The following GALNT17 variants were observed in gnomAD, a reference collection of about 807,000 sequenced individuals.
The protein encoded by GALNT17 is UDP-GalNAc:polypeptide N-acetylgalactosaminyltransferase-like 3.
GALNT17 carries 29 observed loss-of-function variants against 63.7 expected under a neutral mutation model. The ratio of observed to expected loss-of-function variants is 0.46; its 90% CI spans 0.34 to 0.62. The LOEUF is 0.62. GALNT17 is among the 20% of genes least tolerant of loss of function. The pLI, the probability that GALNT17 is intolerant of heterozygous loss-of-function variation, is 0.01. For synonymous variants in GALNT17, 305 were observed against 318.3 expected (o/e 0.96, Z 0.45); for missense variants, 603 against 799.6 (o/e 0.75, Z 2.97).
At chr7:71,416,295 T>C (rs1251342179) in intron 4 of GALNT17, among the ~76,000 whole-genome samples, 1 of 152,194 alleles carries the variant, frequency 6.6e-6, no homozygotes, top group Non-Finnish European at 1.5e-5. Flanking sequence ...GTCATCATCA[T>C]CGTCATCAAA....
At chr7:71,521,836 C>T (rs765003273) in intron 5 of GALNT17, among the ~76,000 whole-genome samples, 3 of 152,132 alleles carry the variant, frequency 2.0e-5, no homozygotes, top group Admixed American at 2.0e-4. Flanking sequence ...AACAGATGGT[C>T]TGTATTAAAA....
At position 71,187,127 on chromosome 7, in the gene GALNT17, T is replaced by C. The variant is rs901246144; in HGVS notation, c.238+54087T>C. 2.1e-4 allele frequency among the ~76,000 whole-genome samples: 32 copies of C among 152,106 alleles called. 1 individual carries two copies. The highest frequency in any genetic ancestry group is 7.5e-4 in the African/African-American group (31 of 41,414). ...TTAGTAGATACTTAATTTTTTGTTG[T>C]TTTGTTTTTAGAGACAAGGTGTTGC... On this transcript the variant is annotated intron_variant, in intron 1 of 10. Coordinates refer to ENST00000333538, the MANE Select transcript of GALNT17 (RefSeq NM_022479.3).
intron 10 of GALNT17, 105 bp from the exon 11 acceptor site, chr7:71,711,909 CTCTT>C (rs1029647624): frequency 3.3e-6 from 4 of 1,229,210 alleles, no homozygotes; most frequent in Non-Finnish European, 4.5e-6. Context: ...TTTTCTTTTT[CTCTT>C]TGTCATTTTC....
intron 9 of GALNT17, among the ~76,000 whole-genome samples, chr7:71,699,853 T>C (rs1176095417): frequency 2.0e-5 from 3 of 151,832 alleles, no homozygotes; most frequent in African/African-American, 7.3e-5. Flanking sequence ...GGATCACGTA[T>C]GCGCAGGAGT....
rs1790971539 is a variant in GALNT17 at position 71,665,493 on chromosome 7, G to A, written c.1163G>A (p.Ser388Asn). The A allele has an allele frequency of 6.2e-7, 1 of 1,613,788 alleles. No individual in the cohort carries two copies. Among genetic ancestry groups the A allele is most frequent in the Non-Finnish European group, 8.5e-7 (1 of 1,179,982 alleles). The change falls in exon 7 of 11, where the codon AGC (serine) becomes AAC (asparagine). Residue 388 changes from serine to asparagine, a missense_variant. Physicochemically the swap from Ser to Asn is conservative, Grantham distance 46. Around this residue, in one of 3 missense-constraint regions of GALNT17, gnomAD observed 336 missense variants for 507.8 expected, o/e 0.66. Transcript: ENST00000333538. ...GAGCGGAAGAAGAAGCCATATAATA[G>A]CAACATTGGCTTCTACACCAAGAGG... is the stretch of plus-strand genomic sequence containing the variant. The part of the protein sequence containing the change: ...HIERKKKPYN[S>N]NIGFYTKRNA...
chr7:71,145,240 A>T (rs1200828715), intron 1 of GALNT17, among the ~76,000 whole-genome samples: 2 of 152,134 alleles, frequency 1.3e-5, no homozygotes, highest in African/African-American at 4.8e-5. Flanking sequence ...TGAACGCTTC[A>T]TGTTTACCTT....
chr7:71,533,383 A>G (rs1014279827), intron 5 of GALNT17, among the ~76,000 whole-genome samples: 16 of 152,016 alleles, frequency 1.1e-4, no homozygotes, highest in Admixed American at 1.3e-4. Flanking sequence ...TTCAGAGCTA[A>G]AATCTTTCCT....
At chr7:71,378,868 G>A (rs772024513) in intron 2 of GALNT17, among the ~76,000 whole-genome samples, 40 of 152,112 alleles carry the variant, frequency 2.6e-4, no homozygotes, top group Middle Eastern at 3.4e-3. Context: ...CAGGTGTGGT[G>A]GTGCACGCCT....
intron 1 of GALNT17, among the ~76,000 whole-genome samples, chr7:71,274,356 G>T (rs1790647142): frequency 6.6e-6 from 1 of 152,110 alleles, no homozygotes; most frequent in African/African-American, 2.4e-5. Context: ...ATAGCTCACT[G>T]CAGCCTTGAC....
chr7:71,401,094 T>C (rs1051533456), intron 3 of GALNT17, among the ~76,000 whole-genome samples: 2 of 145,648 alleles, frequency 1.4e-5, no homozygotes, highest in Non-Finnish European at 3.0e-5. Context: ...TCTTTTTCTT[T>C]TTCTTTTTTT....
At chr7:71,160,616 G>A (rs559682837) in intron 1 of GALNT17, among the ~76,000 whole-genome samples, 2 of 152,168 alleles carry the variant, frequency 1.3e-5, no homozygotes, top group African/African-American at 2.4e-5. Flanking sequence ...CTGCTACCAT[G>A]CCTGGCTAAT....
intron 2 of GALNT17, among the ~76,000 whole-genome samples, chr7:71,364,679 G>T (rs1012781895): frequency 1.3e-5 from 2 of 152,068 alleles, no homozygotes; most frequent in African/African-American, 4.8e-5. Context: ...AAAAGAGGGA[G>T]GTATGTCAGG....
intron 5 of GALNT17, among the ~76,000 whole-genome samples, chr7:71,479,631 T>A (rs1391051881): frequency 6.6e-6 from 1 of 152,176 alleles, no homozygotes; most frequent in East Asian, 1.9e-4. Context: ...TATAGAAAGA[T>A]GTTTAAACCT....
At chr7:71,184,706 G>A (rs1788798794) in intron 1 of GALNT17, among the ~76,000 whole-genome samples, 1 of 152,174 alleles carries the variant, frequency 6.6e-6, no homozygotes, top group South Asian at 2.1e-4. Flanking sequence ...TGTATGACAG[G>A]TATTATTAAA....
chr7:71,481,643 C>T (rs1346463163), intron 5 of GALNT17, among the ~76,000 whole-genome samples: 1 of 152,026 alleles, frequency 6.6e-6, no homozygotes, highest in Non-Finnish European at 1.5e-5. Context: ...CATTACTGCT[C>T]ATCTGCTGCC....
At chr7:71,280,580 C>T (rs1299703105) in intron 1 of GALNT17, among the ~76,000 whole-genome samples, 2 of 152,134 alleles carry the variant, frequency 1.3e-5, no homozygotes, top group African/African-American at 2.4e-5. Context: ...AATTTATTAG[C>T]GCTTATAACT....
intron 5 of GALNT17, among the ~76,000 whole-genome samples, chr7:71,433,462 T>C (rs1786904879): frequency 6.6e-6 from 1 of 152,256 alleles, no homozygotes; most frequent in Non-Finnish European, 1.5e-5. Flanking sequence ...CATAACTCTA[T>C]GACTATACTA....
At chr7:71,263,848 CG>C (rs1167226780) in intron 1 of GALNT17, among the ~76,000 whole-genome samples, 2 of 151,590 alleles carry the variant, frequency 1.3e-5, no homozygotes, top group African/African-American at 4.8e-5. Flanking sequence ...GGCGTGAACC[CG>C]GGAGGCGGAG....
intron 5 of GALNT17, among the ~76,000 whole-genome samples, chr7:71,443,244 C>A (rs1026276796): frequency 1.3e-5 from 2 of 152,136 alleles, no homozygotes; most frequent in African/African-American, 4.8e-5. Flanking sequence ...CTGCCCCATT[C>A]CTTCTCTAGG....
Sources: gnomAD v4.1 joint callset for allele counts (sites outside exome capture counted in the v4.1 genomes callset) on GRCh38, gnomAD v4.1.1 for gene constraint, gnomAD v4.1.1 regional missense constraint, MANE v1.5 for transcripts, NCBI Gene and HGNC (gene_info 2026-07-23, HGNC 2026-07-21) for gene names.